Variants in C16orf95 observed in about 807,000 individuals in gnomAD.
C16orf95 encodes the protein uncharacterized protein C16orf95.
Under a neutral mutation model 32.1 loss-of-function variants are expected in C16orf95, and 41 were observed. The ratio of observed to expected loss-of-function variants is 1.28; its 90% confidence interval spans 1.00 to 1.66. The LOEUF (loss-of-function observed/expected upper bound fraction) is 1.66, where lower values mean the gene tolerates loss of function less well. Among genes scored for constraint, C16orf95 ranks in the 40% most tolerant of loss-of-function variants. The probability of loss-of-function intolerance (pLI) is 0.00; values close to 1 mark genes in which losing one functional copy is unlikely to be tolerated. For missense variants in C16orf95, 399 were observed against 325.9 expected, an observed-to-expected ratio of 1.22 and a Z score of -1.73; for synonymous variants, 147 against 128.9, an observed-to-expected ratio of 1.14 and a Z score of -0.95.
In C16orf95 at chr16:87,302,828, A is replaced by G; in HGVS notation, c.*229T>C. On this transcript the variant is annotated 3_prime_UTR_variant, in exon 7 of 7. Coordinates refer to ENST00000567970, the MANE Select transcript of C16orf95 (RefSeq NM_001195124.3). ...GAGGTGGCCAGTTTAGAGTTTCACA[A>G]ATAACATTTATTGACCACATTCATA... 2 of 560,632 alleles carry G rather than the reference A, an allele frequency of 3.6e-6. No individual in the cohort carries two copies. 34.7% of individuals were successfully genotyped at this position (560,632 alleles called of 1,614,324 possible).
chr16:87,315,264 G>A (rs1904310391), intron 2 of C16orf95, among the ~76,000 whole-genome samples, 168 bp from the exon 3 acceptor site: 1 of 152,194 alleles, frequency 6.6e-6, no homozygotes, highest in Admixed American at 6.5e-5. Context: ...CTCGCCCTGA[G>A]GCCTCCAAGG....
At chr16:87,313,996 G>A (rs1911395734) in intron 3 of C16orf95, among the ~76,000 whole-genome samples, 1 of 152,140 alleles carries the variant, frequency 6.6e-6, no homozygotes, top group Non-Finnish European at 1.5e-5. Flanking sequence ...TACCCATTAA[G>A]ATGGCTCAAA....
intron 4 of C16orf95, 111 bp downstream of exon 4, chr16:87,311,039 T>G (rs911122647): frequency 1.8e-6 from 2 of 1,082,116 alleles, no homozygotes; most frequent in Non-Finnish European, 2.5e-6. Flanking sequence ...GCAGAGGCCT[T>G]TGTGGGAGCA....
intron 1 of C16orf95, among the ~76,000 whole-genome samples, chr16:87,316,843 G>A (rs569081059): frequency 2.0e-5 from 3 of 152,376 alleles, no homozygotes; most frequent in Middle Eastern, 6.8e-3. Flanking sequence ...AGGAAGCTGA[G>A]AGATGGAGAG....
At chr16:87,309,542 C>A (rs1473535668) in intron 5 of C16orf95, among the ~76,000 whole-genome samples, 1 of 151,722 alleles carries the variant, frequency 6.6e-6, no homozygotes, top group Non-Finnish European at 1.5e-5. Context: ...TGCCACCACA[C>A]CCAGCTAATT....
rs1597347758 is a variant in C16orf95 at position 87,314,984 on chromosome 16, C to G, written c.317G>C (p.Arg106Thr). The G allele has an allele frequency of 6.5e-7, 1 of 1,536,114 alleles. No individual in the cohort carries two copies. The highest frequency in any genetic ancestry group is 1.2e-5 in the South Asian group (1 of 84,062). The change falls in exon 3 of 7, where the codon AGA (arginine) becomes ACA (threonine). Residue 106 changes from arginine (R) to threonine (T), a missense_variant. Arg to Thr is a moderately conservative substitution (Grantham distance 71). Coordinates refer to ENST00000567970, the MANE Select transcript of C16orf95 (RefSeq NM_001195124.3). ...ALPYWVPLSL[R>T]PRKQSQKTVQ... ...CAAGTCACCTACCTGCTTTCGGGGT[C>G]TCAGGGACAGAGGGACCCAGTAAGG... is the stretch of plus-strand genomic sequence containing the variant.
At chr16:87,314,040 G>A (rs1381716844) in intron 3 of C16orf95, among the ~76,000 whole-genome samples, 1 of 152,142 alleles carries the variant, frequency 6.6e-6, no homozygotes, top group Non-Finnish European at 1.5e-5. Context: ...TGTTGGTGAC[G>A]ATGTGAGGAA....
chr16:87,307,707 G>A (rs1438762130), intron 5 of C16orf95, among the ~76,000 whole-genome samples: 3 of 152,146 alleles, frequency 2.0e-5, no homozygotes, highest in East Asian at 1.9e-4. Context: ...GCAGTGAGCC[G>A]AGATCACGTC....
At chr16:87,309,542 C>T (rs1473535668) in intron 5 of C16orf95, among the ~76,000 whole-genome samples, 4 of 151,722 alleles carry the variant, frequency 2.6e-5, no homozygotes, top group South Asian at 2.1e-4. Context: ...TGCCACCACA[C>T]CCAGCTAATT....
chr16:87,305,648 C>T lies in C16orf95; in HGVS notation c.701+71G>A. 1 of 1,364,832 alleles carries T rather than the reference C, an allele frequency of 7.3e-7. No homozygotes were observed. Among genetic ancestry groups the T allele is most frequent in the Non-Finnish European group, 9.7e-7 (1 of 1,035,428 alleles). The allele number at this position is 1,364,832 out of a possible 1,614,324, so 84.5% of individuals were successfully genotyped here. On this transcript the variant is annotated intron_variant, in intron 6 of 6. Transcript: ENST00000567970. This position sits in a 1 kb window ranked among gnomAD's most constrained non-coding sequence, Gnocchi z 4.2. The stretch of plus-strand genomic sequence containing the variant: ...CCCACTCTTCCACATCCCTGATGGC[C>T]ACCAAGCCTCCCTCAGGTGGACGTC...
intron 5 of C16orf95, 45 bp downstream of exon 5, chr16:87,310,252 T>C (rs1349241095): frequency 6.5e-7 from 1 of 1,528,466 alleles, no homozygotes; most frequent in Non-Finnish European, 8.8e-7. Context: ...AACCCCACCT[T>C]TCTGGGGAGG....
rs753576160 is a variant in C16orf95 at position 87,315,830 on chromosome 16, GAGA to G, written c.153-10_153-8del. On this transcript the variant is annotated splice_polypyrimidine_tract_variant and splice_region_variant and intron_variant, in intron 1 of 6. Coordinates refer to ENST00000567970, the MANE Select transcript of C16orf95 (RefSeq NM_001195124.3). ...GGTTTGAAATGTGCTATTCCTAGAA[GAGA>G]AGAACAGAAAAGCTTAGGGTTTGTG... 112 of 1,527,838 alleles carry G rather than the reference GAGA, an allele frequency of 7.3e-5. 1 individual carries two copies. In the South Asian group the frequency reaches 1.3e-3, roughly 18 times the overall value. 94.6% of individuals were successfully genotyped at this position (1,527,838 alleles called of 1,614,324 possible). A position where few individuals can be genotyped will look rare whatever the true frequency, so the allele number is the denominator to read the frequency against.
Position 87,303,045 on chromosome 16 carries a change from A to G in C16orf95, c.*12T>C. On this transcript the variant is annotated 3_prime_UTR_variant, in exon 7 of 7. Coordinates refer to ENST00000567970, the MANE Select transcript of C16orf95 (RefSeq NM_001195124.3). ...TTGTGGCTGTTCTTGACAGTAGCTG[A>G]AGATTCCAACTTCAAACCCCAAAAC... 6.5e-7 allele frequency: 1 copy of G among 1,536,052 alleles called. No individual in the cohort carries two copies. Among genetic ancestry groups the G allele is most frequent in the Non-Finnish European group, 8.7e-7 (1 of 1,146,842 alleles).
chr16:87,311,702 T>C (rs1911291720), intron 3 of C16orf95, among the ~76,000 whole-genome samples: 1 of 152,228 alleles, frequency 6.6e-6, no homozygotes, highest in Non-Finnish European at 1.5e-5. Flanking sequence ...TGCTGGCATC[T>C]TAACAAAGTT....
At chr16:87,312,568 C>CAAAA (rs71389850) in intron 3 of C16orf95, among the ~76,000 whole-genome samples, 24 of 85,936 alleles carry the variant, frequency 2.8e-4, no homozygotes, top group African/African-American at 4.2e-4. Context: ...GACTCCATCT[C>CAAAA]AAAAAAAAAA....
At chr16:87,308,519 T>TAAGC (rs1440984288) in intron 5 of C16orf95, among the ~76,000 whole-genome samples, 2 of 147,378 alleles carry the variant, frequency 1.4e-5, no homozygotes, top group African/African-American at 5.0e-5. Flanking sequence ...AATAAATAAA[T>TAAGC]AAGCAGATGT....
At chr16:87,315,233 G>C (rs1904310110) in intron 2 of C16orf95, 137 bp from the exon 3 acceptor site, 8 of 908,954 alleles carry the variant, frequency 8.8e-6, no homozygotes, top group Non-Finnish European at 1.3e-5. Context: ...CTGCAGCTTG[G>C]AAAGAGGCAG....
intron 5 of C16orf95, among the ~76,000 whole-genome samples, chr16:87,308,563 C>G (rs1323051932): frequency 1.3e-5 from 2 of 152,128 alleles, no homozygotes; most frequent in African/African-American, 2.4e-5. Flanking sequence ...AGTCTACAAG[C>G]AAAATGCCTT....
chr16:87,311,805 A>G (rs908944907), intron 3 of C16orf95, among the ~76,000 whole-genome samples: 4 of 152,356 alleles, frequency 2.6e-5, no homozygotes, highest in South Asian at 2.1e-4. Context: ...AAAGTGTCCT[A>G]TGCACAGAAA....
Sources: allele counts gnomAD v4.1 joint callset (sites outside exome capture counted in the v4.1 genomes callset), GRCh38; gene constraint gnomAD v4.1.1; non-coding constraint Gnocchi (gnomAD v3.1); transcripts MANE v1.5; gene names NCBI Gene and HGNC (gene_info 2026-07-23, HGNC 2026-07-21).